The following PRKCB variants were observed in gnomAD, a reference collection of about 807,000 sequenced individuals.
PRKCB encodes the protein protein kinase C beta, also known as protein kinase C beta type.
PRKCB carries 13 observed loss-of-function variants against 81.5 expected under a neutral mutation model. That is an observed-to-expected ratio of 0.16 (90% confidence interval 0.10 to 0.25). The LOEUF is 0.25. PRKCB is among the 10% of genes least tolerant of loss of function. The pLI is 1.00. For synonymous variants in PRKCB, 335 were observed against 321.4 expected (o/e 1.04, Z -0.45); for missense variants, 509 against 875.7 (o/e 0.58, Z 5.29).
chr16:24,077,209 C>T (rs934960914), intron 5 of PRKCB, among the ~76,000 whole-genome samples: 5 of 151,924 alleles, frequency 3.3e-5, no homozygotes, highest in Admixed American at 1.3e-4. Flanking sequence ...TGTGTGTCTA[C>T]GGTGGTGAAG....
In PRKCB at chr16:24,191,664, A is replaced by G. The variant is rs150988558; in HGVS notation, c.1863+434A>G. ...GTTTATCTCAACAGTATTTAAATTT[A>G]ATTCTGAAACATACACTATGTCTGA... On this transcript the variant is annotated intron_variant, in intron 16 of 16. Coordinates refer to ENST00000643927, the MANE Select transcript of PRKCB (RefSeq NM_002738.7). The G allele has an allele frequency of 6.6e-3, 1,016 of 154,706 alleles. 8 individuals carry two copies. The highest frequency in any genetic ancestry group is 0.014 in the Admixed American group (220 of 15,574). 9.6% of individuals were successfully genotyped at this position (154,706 alleles called of 1,614,324 possible).
At chr16:24,174,405 A>G in intron 11 of PRKCB, 113 bp from the exon 12 acceptor site, 2 of 922,254 alleles carry the variant, frequency 2.2e-6, no homozygotes, top group Non-Finnish European at 3.3e-6. Context: ...CTGACCATCC[A>G]TGGGTTCTTT....
intron 2 of PRKCB, among the ~76,000 whole-genome samples, chr16:23,928,722 G>GTT (rs200213909): frequency 6.6e-6 from 1 of 151,164 alleles, no homozygotes; most frequent in Non-Finnish European, 1.5e-5. Flanking sequence ...TGTTTTGTTT[G>GTT]TTTTTTTTGT....
intron 3 of PRKCB, among the ~76,000 whole-genome samples, chr16:24,011,309 T>G (rs1178720200): frequency 6.6e-6 from 1 of 152,214 alleles, no homozygotes; most frequent in African/African-American, 2.4e-5. Context: ...GTTTCTGGGC[T>G]GAAATAGATT....
chr16:24,058,046 TTTTCCCA>T (rs1965926944), intron 5 of PRKCB, among the ~76,000 whole-genome samples: 1 of 152,216 alleles, frequency 6.6e-6, no homozygotes, highest in Admixed American at 6.5e-5. Context: ...TTGTTTGTTC[TTTTCCCA>T]TGATAGCCAC....
chr16:24,214,436 A>G (rs760569351), intron 16 of PRKCB, among the ~76,000 whole-genome samples: 2 of 152,094 alleles, frequency 1.3e-5, no homozygotes, highest in Admixed American at 6.6e-5. Context: ...ATGAGCTACA[A>G]AAACTGAAGG....
At chr16:24,212,461 CTTTTTTTTTTTTT>C (rs975667798) in intron 16 of PRKCB, among the ~76,000 whole-genome samples, 14 of 78,062 alleles carry the variant, frequency 1.8e-4, no homozygotes, top group Non-Finnish European at 3.5e-4. Flanking sequence ...CTTTTTTTTC[CTTTTTTTTTTTTT>C]TTTTTTTTTT....
chr16:24,074,098 G>A (rs1422076810), intron 5 of PRKCB, among the ~76,000 whole-genome samples: 1 of 151,424 alleles, frequency 6.6e-6, no homozygotes, highest in African/African-American at 2.4e-5. Context: ...TCATGCCACT[G>A]CACTTCAGTC....
At chr16:23,902,989 C>CTTTTTTTTTTTTTTTTTCTT (rs71988386) in intron 2 of PRKCB, among the ~76,000 whole-genome samples, 1 of 139,032 alleles carries the variant, frequency 7.2e-6, no homozygotes, top group African/African-American at 2.8e-5. Flanking sequence ...TTTTTCTTTT[C>CTTTTTTTTTTTTTTTTTCTT]TTTTTTTTTT....
At position 23,879,651 on chromosome 16, in the gene PRKCB, G is replaced by A. The variant is rs567349426; in HGVS notation, c.205+42245G>A. 1.9e-4 allele frequency among the ~76,000 whole-genome samples: 29 copies of A among 152,046 alleles called. No homozygotes were observed. In the South Asian group the frequency reaches 5.8e-3, roughly 31 times the overall value. ...TGGGATTACAGGCATGCACCACCAT[G>A]CCTGGCTAAGTTTTGTATTTTTAGT... On this transcript the variant is annotated intron_variant, in intron 2 of 16. Transcript: ENST00000643927.
At chr16:24,063,633 G>A (rs961155451) in intron 5 of PRKCB, among the ~76,000 whole-genome samples, 5 of 152,112 alleles carry the variant, frequency 3.3e-5, no homozygotes, top group Admixed American at 2.0e-4. Flanking sequence ...TTTTTATAAG[G>A]GGAGAAAGAA....
chr16:23,843,364 C>G (rs1176924731), intron 2 of PRKCB, among the ~76,000 whole-genome samples: 1 of 152,166 alleles, frequency 6.6e-6, no homozygotes, highest in Non-Finnish European at 1.5e-5. Context: ...TTAGCTTATT[C>G]TAAATGTGTC....
chr16:23,967,897 C>T (rs1964508524), intron 2 of PRKCB, among the ~76,000 whole-genome samples: 2 of 152,188 alleles, frequency 1.3e-5, no homozygotes, highest in African/African-American at 4.8e-5. Context: ...AAGTGAGGTC[C>T]ACCTGCCGTG....
chr16:23,954,837 A>C (rs745888882), intron 2 of PRKCB, among the ~76,000 whole-genome samples: 1 of 152,174 alleles, frequency 6.6e-6, no homozygotes, highest in African/African-American at 2.4e-5. Flanking sequence ...GGATGGCTTG[A>C]GGTCAGGAGT....
At chr16:24,155,680 A>G (rs1210985089) in intron 10 of PRKCB, among the ~76,000 whole-genome samples, 1 of 152,162 alleles carries the variant, frequency 6.6e-6, no homozygotes, top group Non-Finnish European at 1.5e-5. Flanking sequence ...TTAGAGCCCA[A>G]CCCATATATG....
rs183714930 is a variant in PRKCB, at chr16:24,166,302, T to A, written c.1240-5968T>A. ...TTAACGGAGTTAATAAAAATATTTTTAAAAAATAAGTCAATTTTAGTAGAG... is the reference window on the plus strand; with the variant it reads ...TTAACGGAGTTAATAAAAATATTTTAAAAAAATAAGTCAATTTTAGTAGAG... On this transcript the variant is annotated intron_variant, in intron 10 of 16. Transcript: ENST00000643927. 3.1e-3 allele frequency among the ~76,000 whole-genome samples: 471 copies of A among 152,324 alleles called. 5 individuals are homozygous for A. The highest frequency in any genetic ancestry group is 0.011 in the African/African-American group (450 of 41,578).
chr16:23,912,840 T>TTTATTTATTTATTTA (rs59682849), intron 2 of PRKCB, among the ~76,000 whole-genome samples: 9,218 of 148,038 alleles, frequency 0.062, 443 homozygotes, highest in South Asian at 0.11. Flanking sequence ...TTATTTATTT[T>TTTATTTATTTATTTA]TTGATATGGA....
chr16:23,904,086 T>C (rs146928568), intron 2 of PRKCB, among the ~76,000 whole-genome samples: 1 of 152,296 alleles, frequency 6.6e-6, no homozygotes, highest in African/African-American at 2.4e-5. Flanking sequence ...TCCTTGTGAA[T>C]AGCTAGATTC....
intron 2 of PRKCB, among the ~76,000 whole-genome samples, chr16:23,930,190 T>G (rs1393529533): frequency 6.6e-6 from 1 of 152,012 alleles, no homozygotes; most frequent in African/African-American, 2.4e-5. Context: ...ACGGAGCCAG[T>G]TTCTAATGCC....
Sources: gnomAD v4.1 joint callset for allele counts (sites outside exome capture counted in the v4.1 genomes callset) on GRCh38, gnomAD v4.1.1 for gene constraint, MANE v1.5 for transcripts, NCBI Gene and HGNC (gene_info 2026-07-23, HGNC 2026-07-21) for gene names.